ZNF335: variants seen among roughly 807,000 people sequenced by gnomAD.
ZNF335 encodes NRC-interacting factor 1.
ZNF335 carries 84 observed loss-of-function variants against 145.6 expected under a neutral mutation model. That is an observed-to-expected ratio of 0.58 (90% CI 0.48 to 0.69). ZNF335 has a LOEUF of 0.69. Among genes scored for constraint, ZNF335 ranks in the 30% least tolerant of loss-of-function variants. ZNF335 has a pLI of 0.00. For synonymous variants in ZNF335, 761 were observed against 717.0 expected (o/e 1.06, Z -0.98); for missense variants, 1,865 against 1,809.7 (o/e 1.03, Z -0.55).
At chr20:45,969,984 T>G in intron 2 of ZNF335, 6 of 298,600 alleles carry the variant, frequency 2.0e-5, no homozygotes, top group Non-Finnish European at 2.5e-5. Context: ...GCATAAATCG[T>G]TCCCTCTGCC....
At position 45,952,533 on chromosome 20, in the gene ZNF335, CAG is replaced by C. The variant is rs760278661; in HGVS notation, c.2815-14_2815-13del. On this transcript the variant is annotated splice_polypyrimidine_tract_variant and intron_variant, in intron 19 of 27. Coordinates refer to ENST00000322927, the MANE Select transcript of ZNF335 (RefSeq NM_022095.4). ...CCATCTGCGGTGAGCTGTAGAGAGA[CAG>C]GGAGCATGAGGTACTGAGAAGGGGA... The C allele has an allele frequency of 1.9e-6, 3 of 1,599,296 alleles. No homozygotes were observed. Among genetic ancestry groups the C allele is most frequent in the Admixed American group, 3.4e-5 (2 of 59,376 alleles).
chr20:45,950,177 A>C, intron 22 of ZNF335, 42 bp downstream of exon 22: 1 of 1,572,010 alleles, frequency 6.4e-7, no homozygotes, highest in Non-Finnish European at 8.6e-7. Flanking sequence ...AAGTCTCTGG[A>C]TCTACCCTGT....
intron 17 of ZNF335, among the ~76,000 whole-genome samples, chr20:45,955,382 A>G (rs2083711237): frequency 7.0e-6 from 1 of 143,356 alleles, no homozygotes. Context: ...ATTTATAAAG[A>G]CTGATAATAC....
At chr20:45,964,944 T>G (rs2083923045) in intron 7 of ZNF335, among the ~76,000 whole-genome samples, 1 of 151,542 alleles carries the variant, frequency 6.6e-6, no homozygotes, top group African/African-American at 2.4e-5. Context: ...GGCACGAGAA[T>G]TGCTCGAACC....
At chr20:45,961,946 G>A in intron 10 of ZNF335, 124 bp downstream of exon 10, 1 of 765,550 alleles carries the variant, frequency 1.3e-6, no homozygotes. Context: ...TGCCTGTAGT[G>A]TGCAGCAAAT....
chr20:45,956,854 TG>T (rs1157735966), intron 17 of ZNF335, among the ~76,000 whole-genome samples: 1 of 151,688 alleles, frequency 6.6e-6, no homozygotes, highest in East Asian at 1.9e-4. Context: ...GGATACAAGT[TG>T]GGGGAGTCTT....
At chr20:45,967,438 G>A (rs1268173740) in intron 6 of ZNF335, 56 bp downstream of exon 6, 7 of 1,613,788 alleles carry the variant, frequency 4.3e-6, no homozygotes, top group Non-Finnish European at 5.9e-6. Flanking sequence ...TGAAAGCTCA[G>A]TGAGTATGTC....
Position 45,963,542 on chromosome 20 carries a change from C to G in ZNF335, c.1464G>C (p.Glu488Asp), listed in dbSNP as rs1195401643. ...EDLRFHVNSH[E>D]AGDPQLFKCL... The stretch of plus-strand genomic sequence containing the variant: ...ACTTGAAGAGCTGGGGATCGCCAGC[C>G]TCATGGGAGTTGACGTGGAAGCGCA... Residue 488 changes from glutamate to aspartate, a missense_variant, in exon 9 of 28, where the codon GAG becomes GAC. Glu to Asp is a conservative substitution (Grantham distance 45, BLOSUM62 2). Coordinates refer to ENST00000322927, the MANE Select transcript of ZNF335 (RefSeq NM_022095.4). 1.9e-6 allele frequency: 3 copies of G among 1,614,092 alleles called. No homozygotes were observed. Among genetic ancestry groups the G allele is most frequent in the Non-Finnish European group, 2.5e-6 (3 of 1,180,046 alleles).
Position 45,965,732 on chromosome 20 carries a change from C to T in ZNF335, c.998G>A (p.Arg333Gln), listed in dbSNP as rs764935041. ...GGTGGGGCGCTGGAGCCGAAGCTGC[C>T]GGCCTCGGGGCTCATCCTCAGCTGG... ...YNPAEDEPRG[R>Q]QLRLQRPTPS... The change falls in exon 7 of 28, where the codon CGG becomes CAG. Residue 333 changes from arginine to glutamine, a missense_variant. Arg to Gln is a conservative substitution (Grantham distance 43). Coordinates refer to ENST00000322927, the MANE Select transcript of ZNF335 (RefSeq NM_022095.4). 1.3e-5 allele frequency: 21 copies of T among 1,605,890 alleles called. No individual in the cohort carries two copies. Among genetic ancestry groups the T allele is most frequent in the South Asian group, 4.4e-5 (4 of 90,782 alleles).
rs1187993825 is a variant in ZNF335 at position 45,959,398 on chromosome 20, T to C, written c.2056A>G (p.Ser686Gly). 1 of 1,523,576 alleles carries C rather than the reference T, an allele frequency of 6.6e-7. No homozygotes were observed. Among genetic ancestry groups the C allele is most frequent in the Non-Finnish European group, 8.9e-7 (1 of 1,125,426 alleles). The allele number at this position is 1,523,576 out of a possible 1,614,324, so 94.4% of individuals were successfully genotyped here. A position where few individuals can be genotyped will look rare whatever the true frequency, so the allele number is the denominator to read the frequency against. The stretch of plus-strand genomic sequence containing the variant: ...CGCAGGTTCTTCTTGTGCCGTGTGC[T>C]GAAGTGGCAGTACTCACAGGCGAAG... ...KPFACEYCHF[S>G]TRHKKNLRLH... The change falls in exon 15 of 28, where the codon AGC becomes GGC. Residue 686 changes from serine (S) to glycine (G), a missense_variant. Physicochemically the swap from Ser to Gly is moderately conservative, Grantham distance 56. Coordinates refer to ENST00000322927, the MANE Select transcript of ZNF335 (RefSeq NM_022095.4).
At chr20:45,968,529 C>T in intron 3 of ZNF335, 167 bp from the exon 4 acceptor site, 3 of 591,804 alleles carry the variant, frequency 5.1e-6, no homozygotes, top group East Asian at 2.8e-5. Context: ...CAGTTGACTC[C>T]CCTGGCAGGG....
At chr20:45,950,720 G>A in intron 20 of ZNF335, 125 bp from the exon 21 acceptor site, 1 of 1,337,742 alleles carries the variant, frequency 7.5e-7, no homozygotes. Flanking sequence ...AAAATCCTGT[G>A]CACTAACAAG....
rs1024589307 is a variant in ZNF335 at position 45,960,938 on chromosome 20, C to T, written c.1647-56G>A. On this transcript the variant is annotated intron_variant, in intron 10 of 27. Coordinates refer to ENST00000322927, the MANE Select transcript of ZNF335 (RefSeq NM_022095.4). ...GAGCTTCCCCAAGCCCACTCTAGAC[C>T]CTCTCACACTGAACAGACCCAGCCT... The T allele has an allele frequency of 1.6e-5, 25 of 1,607,204 alleles. No homozygotes were observed. The Admixed American group carries it at 2.5e-4, about 16-fold the overall frequency.
At chr20:45,951,041 C>T (rs1013640339) in intron 20 of ZNF335, among the ~76,000 whole-genome samples, 1 of 152,194 alleles carries the variant, frequency 6.6e-6, no homozygotes, top group African/African-American at 2.4e-5. Context: ...TACTGGCATG[C>T]GCCACCACAC....
chr20:45,951,815 C>G (rs560552748), intron 20 of ZNF335, among the ~76,000 whole-genome samples: 11 of 152,364 alleles, frequency 7.2e-5, no homozygotes, highest in Non-Finnish European at 1.5e-4. Context: ...CTGTCACACA[C>G]TTCTGTGCCT....
intron 3 of ZNF335, 25 bp downstream of exon 3, chr20:45,969,424 CCT>C (rs768131522): frequency 2.7e-6 from 4 of 1,491,094 alleles, no homozygotes; most frequent in Admixed American, 2.1e-5. Flanking sequence ...CAGGAAAACC[CCT>C]GTGGGGCTCC....
intron 2 of ZNF335, 91 bp downstream of exon 2, chr20:45,971,119 T>C: frequency 1.4e-6 from 2 of 1,437,128 alleles, no homozygotes. Flanking sequence ...CACCAAGTAT[T>C]AGCTACAAAC....
chr20:45,968,424 C>A, intron 3 of ZNF335, 62 bp from the exon 4 acceptor site: 2 of 1,483,138 alleles, frequency 1.3e-6, no homozygotes, highest in Non-Finnish European at 1.9e-6. Context: ...CAGGCCCACC[C>A]CCATGGGCCC....
rs776674000 is a variant in ZNF335 at position 45,952,425 on chromosome 20, C to T, written c.2911G>A (p.Gly971Ser). 6.3e-5 allele frequency: 99 copies of T among 1,572,798 alleles called. 1 individual carries two copies. In the Middle Eastern group the frequency reaches 1.5e-3, roughly 24 times the overall value. ...LLQCGGLPRD[G>S]PEPPSPAKTH... ...TTGGCTGGAGATGGGGGCTCAGGGC[C>T]GTCTCTGGGCAGTCCCCCACACTGC... The change falls in exon 20 of 28, where the codon GGC becomes AGC. Residue 971 changes from glycine to serine, a missense_variant. Transcript: ENST00000322927.
Sources: gnomAD v4.1 joint callset for allele counts (sites outside exome capture counted in the v4.1 genomes callset) on GRCh38, gnomAD v4.1.1 for gene constraint, MANE v1.5 for transcripts, NCBI Gene and HGNC (gene_info 2026-07-23, HGNC 2026-07-21) for gene names.